PTK2: variants seen among roughly 807,000 people sequenced by gnomAD.
PTK2 encodes focal adhesion kinase 1.
PTK2 carries 45 observed loss-of-function variants against 150.1 expected under a neutral mutation model. That is an observed-to-expected ratio of 0.30 (90% CI 0.24 to 0.38). The LOEUF (loss-of-function observed/expected upper bound fraction) is 0.38, where lower values mean the gene tolerates loss of function less well. Ranked by LOEUF, PTK2 falls within the 10% of genes least tolerant of loss-of-function variation. PTK2 has a pLI of 1.00. For missense variants in PTK2, 919 were observed against 1,307.3 expected (o/e 0.70, Z 4.58); for synonymous variants, 432 against 449.2 (o/e 0.96, Z 0.48).
intron 2 of PTK2, among the ~76,000 whole-genome samples, chr8:140,915,634 C>T (rs565056623): frequency 1.3e-5 from 2 of 152,000 alleles, no homozygotes; most frequent in Non-Finnish European, 2.9e-5. Context: ...CGGTGGCTCA[C>T]GCCTGTAATC....
intron 13 of PTK2, 102 bp downstream of exon 13, chr8:140,793,252 A>C: frequency 8.0e-7 from 1 of 1,256,870 alleles, no homozygotes; most frequent in East Asian, 2.5e-5. Context: ...TTGATCATGT[A>C]TATTGAATTT....
At position 140,908,171 on chromosome 8, in the gene PTK2, GAGA is replaced by G. The variant is rs530380560; in HGVS notation, c.-32-17405_-32-17403del. ...GCAGAACAGCCTTATTGCTGAAACTGAGAAGGTTTTGGTGGTCTGGATAGATCA... is the reference window on the plus strand; with the variant it reads ...GCAGAACAGCCTTATTGCTGAAACTGAGGTTTTGGTGGTCTGGATAGATCA... On this transcript the variant is annotated intron_variant, in intron 2 of 31. Coordinates refer to ENST00000522684, the Ensembl canonical transcript of PTK2. Among the ~76,000 whole-genome samples, 9 of 152,338 alleles carry G rather than the reference GAGA, an allele frequency of 5.9e-5. No homozygotes were observed. In the South Asian group the frequency reaches 1.2e-3, roughly 21 times the overall value.
intron 14 of PTK2, among the ~76,000 whole-genome samples, chr8:140,765,611 GAA>G (rs2100071839): frequency 6.6e-6 from 1 of 152,030 alleles, no homozygotes; most frequent in African/African-American, 2.4e-5. Context: ...ACGTTTATAA[GAA>G]TACTTAAAAG....
At chr8:140,765,676 C>G (rs1335652988) in intron 14 of PTK2, among the ~76,000 whole-genome samples, 1 of 152,066 alleles carries the variant, frequency 6.6e-6, no homozygotes, top group Non-Finnish European at 1.5e-5. Flanking sequence ...TTTCTGTATT[C>G]TCCCTCTTAA....
intron 12 of PTK2, among the ~76,000 whole-genome samples, chr8:140,795,805 T>A (rs2100091201): frequency 6.6e-6 from 1 of 152,218 alleles, no homozygotes; most frequent in Non-Finnish European, 1.5e-5. Flanking sequence ...CTCGTCACTA[T>A]TCCCTGATTC....
intron 3 of PTK2, among the ~76,000 whole-genome samples, chr8:140,884,288 G>C (rs1353602303): frequency 1.3e-5 from 2 of 152,046 alleles, no homozygotes; most frequent in South Asian, 2.1e-4. Flanking sequence ...TGCTCTGTTA[G>C]CTTAGGTTCT....
At chr8:140,750,215 T>C (rs1449199567) in intron 17 of PTK2, 1 of 152,214 alleles carries the variant, frequency 6.6e-6, no homozygotes, top group Non-Finnish European at 1.5e-5. Flanking sequence ...CTATGAATTA[T>C]TAATTTATTG....
rs527633234 is a variant in PTK2, at chr8:140,920,800, T to C, written c.-33+4861A>G. The C allele has an allele frequency of 2.8e-5, 41 of 1,477,742 alleles. No individual in the cohort carries two copies. The South Asian group carries it at 4.8e-4, about 17-fold the overall frequency. 91.5% of individuals were successfully genotyped at this position (1,477,742 alleles called of 1,614,324 possible). ...ATTCAAATAAAACGGAACATATTTT[T>C]AAGTTATTTATACCTTTAGCCCAAC... On this transcript the variant is annotated intron_variant, in intron 2 of 31. Transcript: ENST00000522684.
intron 1 of PTK2, among the ~76,000 whole-genome samples, chr8:140,946,080 G>A (rs1190660249): frequency 6.6e-6 from 1 of 152,156 alleles, no homozygotes; most frequent in Non-Finnish European, 1.5e-5. Flanking sequence ...AAAGGAGAAG[G>A]AAAGCTCCAG....
chr8:140,668,206 T>C (rs2093467839), intron 30 of PTK2, 63 bp downstream of exon 34: 4 of 1,592,802 alleles, frequency 2.5e-6, no homozygotes, highest in Non-Finnish European at 3.4e-6. Flanking sequence ...ATCTATCAAC[T>C]GGCACCACAG....
intron 26 of PTK2, among the ~76,000 whole-genome samples, chr8:140,697,174 T>A (rs1054759360): frequency 6.8e-6 from 1 of 147,118 alleles, no homozygotes; most frequent in Non-Finnish European, 1.5e-5. Flanking sequence ...GAAAGGTACT[T>A]GAGTGGGAAA....
chr8:140,713,259 A>G (rs1434869026), intron 23 of PTK2, among the ~76,000 whole-genome samples: 2 of 152,162 alleles, frequency 1.3e-5, no homozygotes, highest in African/African-American at 4.8e-5. Context: ...GAAAAGGCAA[A>G]TAACATCCTT....
chr8:140,980,917 A>ATTT (rs750098819), intron 1 of PTK2, among the ~76,000 whole-genome samples: 1 of 135,780 alleles, frequency 7.4e-6, no homozygotes. Flanking sequence ...TGGCCAGCTA[A>ATTT]TTTTTTTTTT....
chr8:140,659,766 G>T, intron 31 of PTK2, 88 bp from the exon 36 acceptor site: 1 of 1,236,908 alleles, frequency 8.1e-7, no homozygotes, highest in Non-Finnish European at 1.1e-6. Context: ...TGTTGTCCAA[G>T]CTTGCCTCAA....
At chr8:140,804,517 G>A (rs2100097188) in intron 10 of PTK2, among the ~76,000 whole-genome samples, 1 of 152,010 alleles carries the variant, frequency 6.6e-6, no homozygotes, top group African/African-American at 2.4e-5. Flanking sequence ...TCTAGCTTGG[G>A]CAACTCAGTG....
intron 15 of PTK2, among the ~76,000 whole-genome samples, chr8:140,762,869 C>T (rs887531904): frequency 1.3e-5 from 2 of 152,124 alleles, no homozygotes; most frequent in Admixed American, 6.5e-5. Context: ...CAGCCTCGAC[C>T]TCACAGGCTC....
At chr8:140,699,307 T>C (rs564575063) in intron 26 of PTK2, among the ~76,000 whole-genome samples, 150 of 152,276 alleles carry the variant, frequency 9.9e-4, no homozygotes, top group African/African-American at 1.5e-3. Flanking sequence ...TACAGGAAGA[T>C]TGAAATAGCT....
chr8:140,955,017 A>C (rs2100180773), intron 1 of PTK2, among the ~76,000 whole-genome samples: 1 of 152,256 alleles, frequency 6.6e-6, no homozygotes, highest in African/African-American at 2.4e-5. Context: ...TTTTAGTTGA[A>C]GGAAATATAC....
At chr8:140,798,146 A>G (rs1044066185) in intron 12 of PTK2, among the ~76,000 whole-genome samples, 1 of 152,182 alleles carries the variant, frequency 6.6e-6, no homozygotes, top group African/African-American at 2.4e-5. Context: ...TATAATTATT[A>G]TTTAAAGCAT....
Sources: gnomAD v4.1 joint callset for allele counts (sites outside exome capture counted in the v4.1 genomes callset) on GRCh38, gnomAD v4.1.1 for gene constraint, MANE v1.5 for transcripts, NCBI Gene and HGNC (gene_info 2026-07-23, HGNC 2026-07-21) for gene names.